The following RPS6KC1 variants were observed in gnomAD, a reference collection of about 807,000 sequenced individuals.
RPS6KC1 encodes inactive ribosomal protein S6 kinase delta-1.
In RPS6KC1, 54 loss-of-function variants were observed where a neutral mutation model predicts 103.8. The observed-to-expected ratio is 0.52, with a 90% CI of 0.42 to 0.65. The LOEUF (loss-of-function observed/expected upper bound fraction) is 0.65, where lower values mean the gene tolerates loss of function less well. Ranked by LOEUF, RPS6KC1 falls within the 30% of genes least tolerant of loss-of-function variation. The pLI is 0.00. For synonymous variants in RPS6KC1, 439 were observed against 438.7 expected (o/e 1.00, Z -0.01); for missense variants, 1,151 against 1,253.8 (o/e 0.92, Z 1.24).
At chr1:213,555,602 A>T in the RPS6KC1 span, among the ~76,000 whole-genome samples, 13 of 152,020 alleles carry the variant, frequency 8.6e-5, no homozygotes, top group African/African-American at 3.1e-4. Flanking sequence ...ATTAATGTTT[A>T]TATCAGTTGG....
chr1:213,357,003 C>T, the RPS6KC1 span, among the ~76,000 whole-genome samples: 1 of 152,194 alleles, frequency 6.6e-6, no homozygotes, highest in Non-Finnish European at 1.5e-5. Flanking sequence ...CTGCTGTGGG[C>T]ACCAGCACAG....
the RPS6KC1 span, among the ~76,000 whole-genome samples, chr1:213,592,757 G>A: frequency 1.3e-5 from 2 of 152,120 alleles, no homozygotes; most frequent in African/African-American, 2.4e-5. Context: ...GTTGTGCTAG[G>A]CCTTTAGGTC....
chr1:213,581,789 G>C, the RPS6KC1 span, among the ~76,000 whole-genome samples: 1 of 152,118 alleles, frequency 6.6e-6, no homozygotes, highest in Admixed American at 6.5e-5. Flanking sequence ...TCATCATCAA[G>C]TTTTTGCATT....
chr1:213,200,844 A>T (rs903318044), intron 8 of RPS6KC1, among the ~76,000 whole-genome samples: 2 of 152,198 alleles, frequency 1.3e-5, no homozygotes, highest in Admixed American at 6.5e-5. Context: ...GAAGACATAC[A>T]TGCAGCCAAC....
the RPS6KC1 span, among the ~76,000 whole-genome samples, chr1:213,702,844 A>G: frequency 1.7e-4 from 8 of 47,720 alleles, no homozygotes; most frequent in African/African-American, 6.8e-4. Context: ...CAGATCATTG[A>G]GGTTTTTTTT....
At chr1:213,694,547 A>G in the RPS6KC1 span, among the ~76,000 whole-genome samples, 1 of 152,206 alleles carries the variant, frequency 6.6e-6, no homozygotes, top group African/African-American at 2.4e-5. Context: ...GACAAGAGTC[A>G]CCAACTTTCC....
chr1:213,667,179 A>C, the RPS6KC1 span, among the ~76,000 whole-genome samples: 1 of 151,562 alleles, frequency 6.6e-6, no homozygotes, highest in Admixed American at 6.6e-5. Context: ...ATATTGAGTA[A>C]AATACAAAAG....
At chr1:213,397,626 C>CACACACACACACACACACACAG in the RPS6KC1 span, among the ~76,000 whole-genome samples, 1 of 148,824 alleles carries the variant, frequency 6.7e-6, no homozygotes, top group Admixed American at 6.7e-5. Context: ...CACACACACA[C>CACACACACACACACACACACAG]AGACACTTTG....
chr1:213,792,550 G>T, the RPS6KC1 span, among the ~76,000 whole-genome samples: 1 of 152,124 alleles, frequency 6.6e-6, no homozygotes, highest in African/African-American at 2.4e-5. Context: ...AATGGATAGA[G>T]ACACTATGGG....
At chr1:213,810,859 T>A in the RPS6KC1 span, among the ~76,000 whole-genome samples, 3 of 152,178 alleles carry the variant, frequency 2.0e-5, no homozygotes, top group African/African-American at 7.2e-5. Flanking sequence ...CTCAGAGATA[T>A]CATCTCTCAT....
the RPS6KC1 span, among the ~76,000 whole-genome samples, chr1:213,371,278 A>G: frequency 2.6e-5 from 4 of 152,150 alleles, no homozygotes; most frequent in Non-Finnish European, 4.4e-5. Context: ...TGCATGTCAA[A>G]ATTTCCTTCC....
At position 213,241,909 on chromosome 1, in the gene RPS6KC1, A is replaced by G; in HGVS notation, c.2433A>G (p.Ala811=). ...GLGVVESAVT[A]NNTEESLFRI... ...GAGTGGTTGAGTCAGCAGTAACTGC[A>G]AACAACACAGAAGAAAGCTTATTCC... The change falls in exon 11 of 15, where the codon GCA becomes GCG. Residue 811 remains alanine, a synonymous_variant. Coordinates refer to ENST00000366960, the MANE Select transcript of RPS6KC1 (RefSeq NM_012424.6). 1 of 1,614,036 alleles carries G rather than the reference A, an allele frequency of 6.2e-7. No homozygotes were observed. The highest frequency in any genetic ancestry group is 8.5e-7 in the Non-Finnish European group (1 of 1,179,958).
chr1:213,326,901 C>T, the RPS6KC1 span, among the ~76,000 whole-genome samples: 1 of 152,158 alleles, frequency 6.6e-6, no homozygotes, highest in Non-Finnish European at 1.5e-5. Context: ...CTATTCTTCT[C>T]TTTGTCAGGT....
At chr1:213,230,592 T>C in intron 9 of RPS6KC1, 48 bp downstream of exon 9, 2 of 1,453,210 alleles carry the variant, frequency 1.4e-6, no homozygotes, top group South Asian at 2.4e-5. Flanking sequence ...TCCAGCACTT[T>C]GGGAGACTGA....
chr1:213,771,000 G>A, the RPS6KC1 span, among the ~76,000 whole-genome samples: 2 of 152,044 alleles, frequency 1.3e-5, no homozygotes, highest in South Asian at 4.1e-4. Context: ...CTTAACTCCC[G>A]GCCAGGGGCT....
At chr1:213,454,813 A>G in the RPS6KC1 span, among the ~76,000 whole-genome samples, 1 of 152,180 alleles carries the variant, frequency 6.6e-6, no homozygotes, top group South Asian at 2.1e-4. Context: ...GTTGTCTCTT[A>G]GCCTTGCACT....
chr1:213,052,211 G>A (rs899183474), intron 1 of RPS6KC1, among the ~76,000 whole-genome samples: 1 of 152,154 alleles, frequency 6.6e-6, no homozygotes, highest in African/African-American at 2.4e-5. Context: ...CATCTTCTAG[G>A]AAAGTAAGAA....
chr1:213,169,617 G>A (rs115274388), intron 7 of RPS6KC1, among the ~76,000 whole-genome samples: 3,418 of 151,652 alleles, frequency 0.023, 132 homozygotes, highest in African/African-American at 0.077. Flanking sequence ...ATTTTCCGTG[G>A]GATTGACAAC....
intron 1 of RPS6KC1, among the ~76,000 whole-genome samples, chr1:213,055,585 CTTTG>C (rs1201856840): frequency 6.6e-6 from 1 of 152,050 alleles, no homozygotes; most frequent in Non-Finnish European, 1.5e-5. Context: ...TACCACATGG[CTTTG>C]TTTATGTAGC....
Sources: gnomAD v4.1 joint callset for allele counts (sites outside exome capture counted in the v4.1 genomes callset) on GRCh38, gnomAD v4.1.1 for gene constraint, MANE v1.5 for transcripts, NCBI Gene and HGNC (gene_info 2026-07-23, HGNC 2026-07-21) for gene names.